The following HPD variants were observed in gnomAD, a reference collection of about 807,000 sequenced individuals.
HPD encodes 4-hydroxyphenylpyruvate dioxygenase.
HPD carries 35 observed loss-of-function variants against 56.9 expected under a neutral mutation model. That is an observed-to-expected ratio of 0.62 (90% CI 0.47 to 0.82). The LOEUF is 0.82. Among genes scored for constraint, HPD ranks in the 40% least tolerant of loss-of-function variants. The pLI is 0.00. For synonymous variants in HPD, 186 were observed against 200.2 expected, an observed-to-expected ratio of 0.93 and a Z score of 0.60; for missense variants, 442 against 506.8, an observed-to-expected ratio of 0.87 and a Z score of 1.23.
the HPD span, among the ~76,000 whole-genome samples, chr12:121,880,906 C>T: frequency 1.3e-3 from 204 of 152,272 alleles, 4 homozygotes; most frequent in East Asian, 0.036. Context: ...GCAATCCCCC[C>T]ACATCAGCCT....
At chr12:121,845,392 C>T (rs532692818) in intron 11 of HPD, among the ~76,000 whole-genome samples, 160 of 149,230 alleles carry the variant, frequency 1.1e-3, no homozygotes, top group Non-Finnish European at 2.0e-3. Context: ...ATCAGGAGAT[C>T]GAGACCATCC....
chr12:121,869,266 C>G, the HPD span, among the ~76,000 whole-genome samples: 1 of 150,826 alleles, frequency 6.6e-6, no homozygotes, highest in African/African-American at 2.4e-5. Flanking sequence ...AGGAGAATCG[C>G]TTGAACCTGG....
upstream of HPD, among the ~76,000 whole-genome samples, chr12:121,864,879 CAACAA>C (rs1878283153): frequency 6.7e-6 from 1 of 148,844 alleles, no homozygotes; most frequent in Admixed American, 6.7e-5. Context: ...ACAACAACAA[CAACAA>C]AAAACTCCTG....
At chr12:121,879,809 C>T in the HPD span, among the ~76,000 whole-genome samples, 1 of 152,074 alleles carries the variant, frequency 6.6e-6, no homozygotes, top group East Asian at 1.9e-4. Flanking sequence ...GCAATAAATA[C>T]ACATGTTCAC....
At position 121,847,112 on chromosome 12, in the gene HPD, T is replaced by C; in HGVS notation, c.699A>G (p.Glu233=). ...CATTGATGGGCATCTTGATGGACTC[T>C]TCATAGTTGGCCACCACAATGGATC... ...SLRSIVVANY[E]ESIKMPINEP... The change falls in exon 10 of 14, where the codon GAA becomes GAG. Residue 233 remains glutamate (E), a synonymous_variant. Coordinates refer to ENST00000289004, the MANE Select transcript of HPD (RefSeq NM_002150.3). 6.2e-7 allele frequency: 1 copy of C among 1,614,206 alleles called. No homozygotes were observed.
At position 121,843,819 on chromosome 12, in the gene HPD, C is replaced by T. The variant is rs762992447; in HGVS notation, c.845G>A (p.Arg282Lys). The change falls in exon 12 of 14, where the codon AGA becomes AAA. Residue 282 changes from arginine (R) to lysine (K), a missense_variant. Transcript: ENST00000289004. ...AGATAAGAACTCCAGGCCTCTCTCT[C>T]TCAAGTGGCGAATCTGTTTCAGAGC... is the stretch of plus-strand genomic sequence containing the variant. The part of the protein sequence containing the change: ...EDIITAIRHL[R>K]ERGLEFLSVP... The T allele has an allele frequency of 4.3e-6, 7 of 1,614,112 alleles. No individual in the cohort carries two copies. The highest frequency in any genetic ancestry group is 1.6e-4 in the Middle Eastern group (1 of 6,062).
At chr12:121,870,713 C>T in the HPD span, among the ~76,000 whole-genome samples, 1 of 150,790 alleles carries the variant, frequency 6.6e-6, no homozygotes, top group Non-Finnish European at 1.5e-5. Flanking sequence ...TCTCCTGCCT[C>T]AGCCTCCTGA....
intron 7 of HPD, among the ~76,000 whole-genome samples, chr12:121,852,277 C>G (rs1382821664): frequency 6.6e-6 from 1 of 152,146 alleles, no homozygotes; most frequent in Non-Finnish European, 1.5e-5. Context: ...GCCTTGGCCT[C>G]CCAAATTGCT....
upstream of HPD, among the ~76,000 whole-genome samples, chr12:121,864,472 G>C (rs1200303265): frequency 6.6e-6 from 1 of 151,124 alleles, no homozygotes; most frequent in Non-Finnish European, 1.5e-5. Context: ...AAGATCTCTT[G>C]AGCCCAGGAG....
At chr12:121,865,558 T>G (rs549747109), upstream of HPD, among the ~76,000 whole-genome samples, 1 of 145,404 alleles carries the variant, frequency 6.9e-6, no homozygotes, top group Non-Finnish European at 1.5e-5. Flanking sequence ...CATGAGCCAC[T>G]GTGCCCAGCC....
At chr12:121,844,074 A>C (rs1347645228) in intron 11 of HPD, among the ~76,000 whole-genome samples, 1 of 151,300 alleles carries the variant, frequency 6.6e-6, no homozygotes, top group Non-Finnish European at 1.5e-5. Context: ...TTTTTTTTTG[A>C]GATGGAGTCT....
chr12:121,876,967 G>A, the HPD span, among the ~76,000 whole-genome samples: 7 of 151,820 alleles, frequency 4.6e-5, no homozygotes, highest in African/African-American at 7.3e-5. Flanking sequence ...GGTGGTGCAC[G>A]CCTGTAAGCC....
chr12:121,852,110 C>T (rs1877814231), intron 7 of HPD, among the ~76,000 whole-genome samples: 1 of 152,122 alleles, frequency 6.6e-6, no homozygotes, highest in Non-Finnish European at 1.5e-5. Context: ...GCCTCTACCT[C>T]CTGGACTCAA....
At chr12:121,865,066 G>A (rs568403660), upstream of HPD, among the ~76,000 whole-genome samples, 3 of 151,888 alleles carry the variant, frequency 2.0e-5, no homozygotes, top group Admixed American at 1.3e-4. Context: ...TCAGGAGTTC[G>A]AGACCAGCCT....
chr12:121,875,843 G>A, the HPD span, among the ~76,000 whole-genome samples: 1 of 152,246 alleles, frequency 6.6e-6, no homozygotes, highest in Admixed American at 6.5e-5. Flanking sequence ...AGATGAGGCT[G>A]GGTACATTGG....
chr12:121,875,928 C>G, the HPD span, among the ~76,000 whole-genome samples: 1 of 152,058 alleles, frequency 6.6e-6, no homozygotes, highest in South Asian at 2.1e-4. Context: ...CAAGACCAGC[C>G]TGGGCAACAA....
At chr12:121,861,669 A>T (rs1008653138), upstream of HPD, among the ~76,000 whole-genome samples, 1 of 152,186 alleles carries the variant, frequency 6.6e-6, no homozygotes, top group Non-Finnish European at 1.5e-5. Flanking sequence ...AGCAGTTTTT[A>T]GTTGCTAATG....
chr12:121,865,261 C>T (rs1239994302), upstream of HPD, among the ~76,000 whole-genome samples: 1 of 149,576 alleles, frequency 6.7e-6, no homozygotes, highest in South Asian at 2.1e-4. Flanking sequence ...CAGCGACACT[C>T]TCTTTCTTTC....
chr12:121,883,782 G>A, the HPD span, among the ~76,000 whole-genome samples: 1 of 150,214 alleles, frequency 6.7e-6, no homozygotes, highest in East Asian at 2.0e-4. Flanking sequence ...GCCTCCCAAA[G>A]TGCTAGGATT....
Sources: gnomAD v4.1 joint callset for allele counts (sites outside exome capture counted in the v4.1 genomes callset) on GRCh38, gnomAD v4.1.1 for gene constraint, MANE v1.5 for transcripts, NCBI Gene and HGNC (gene_info 2026-07-23, HGNC 2026-07-21) for gene names.